The following STAG1 variants were observed in gnomAD, a reference collection of about 807,000 sequenced individuals.
The protein encoded by STAG1 is cohesin subunit SA-1.
STAG1 carries 26 observed loss-of-function variants against 170.9 expected under a neutral mutation model. The observed-to-expected ratio is 0.15, with a 90% CI of 0.11 to 0.21. STAG1 has a LOEUF of 0.21. Ranked by LOEUF, STAG1 falls within the 10% of genes least tolerant of loss-of-function variation. STAG1 has a pLI of 1.00. For synonymous variants in STAG1, 514 were observed against 497.7 expected (o/e 1.03, Z -0.44); for missense variants, 964 against 1,509.5 (o/e 0.64, Z 5.99).
chr3:136,614,086 C>T (rs1489384331), intron 3 of STAG1, among the ~76,000 whole-genome samples: 1 of 152,056 alleles, frequency 6.6e-6, no homozygotes, highest in Non-Finnish European at 1.5e-5. Flanking sequence ...CATGGTGGTA[C>T]GCGCCTGTAG....
intron 26 of STAG1, among the ~76,000 whole-genome samples, chr3:136,360,825 C>T (rs568383525): frequency 5.4e-4 from 82 of 152,214 alleles, no homozygotes; most frequent in African/African-American, 1.9e-3. Context: ...CCCGCCACCA[C>T]ACCCAGCTAA....
intron 1 of STAG1, among the ~76,000 whole-genome samples, chr3:136,648,512 T>G (rs2107853317): frequency 6.6e-6 from 1 of 152,350 alleles, no homozygotes; most frequent in East Asian, 1.9e-4. Context: ...GGTCAGGACA[T>G]CCCACAAATT....
chr3:136,488,906 C>A (rs767518748), intron 9 of STAG1, among the ~76,000 whole-genome samples: 1 of 152,172 alleles, frequency 6.6e-6, no homozygotes, highest in East Asian at 1.9e-4. Context: ...ATCTCTATTT[C>A]CAATAGCCTC....
At position 136,557,348 on chromosome 3, in the gene STAG1, G is replaced by A. The variant is rs1001878537; in HGVS notation, c.394+11417C>T. Among the ~76,000 whole-genome samples the A allele has an allele frequency of 2.0e-5, 3 of 152,148 alleles. No individual in the cohort carries two copies. In the South Asian group the frequency reaches 6.2e-4, roughly 32 times the overall value. The stretch of plus-strand genomic sequence containing the variant: ...AGGGTTACTTGATATATGCTAATGG[G>A]GTCATTGTACAATCAAGAAAAACTG... On this transcript the variant is annotated intron_variant, in intron 5 of 33. Coordinates refer to ENST00000383202, the MANE Select transcript of STAG1 (RefSeq NM_005862.3).
chr3:136,576,963 T>C (rs771338575), intron 4 of STAG1, among the ~76,000 whole-genome samples: 1 of 152,222 alleles, frequency 6.6e-6, no homozygotes, highest in Admixed American at 6.5e-5. Flanking sequence ...GGATTAAAGA[T>C]AGAGCTTAGC....
chr3:136,603,013 C>A (rs1226715178), intron 4 of STAG1, among the ~76,000 whole-genome samples: 1 of 152,066 alleles, frequency 6.6e-6, no homozygotes, highest in Non-Finnish European at 1.5e-5. Context: ...CCTTCCCTGC[C>A]CACACAAATT....
intron 4 of STAG1, among the ~76,000 whole-genome samples, chr3:136,594,375 C>T (rs1466535932): frequency 6.6e-6 from 1 of 152,154 alleles, no homozygotes; most frequent in African/African-American, 2.4e-5. Context: ...AGCTTACTAA[C>T]CCTAAGGGAC....
intron 4 of STAG1, among the ~76,000 whole-genome samples, chr3:136,584,542 A>C (rs1470448930): frequency 6.6e-6 from 1 of 152,106 alleles, no homozygotes; most frequent in African/African-American, 2.4e-5. Flanking sequence ...CCCTCCTTCC[A>C]TGCCCAGTCA....
At chr3:136,477,471 ACTC>A in intron 9 of STAG1, 59 bp from the exon 10 acceptor site, 1 of 1,431,114 alleles carries the variant, frequency 7.0e-7, no homozygotes, top group Non-Finnish European at 9.3e-7. Flanking sequence ...ATGCATTCAT[ACTC>A]GCTTTCCATA....
At chr3:136,540,372 A>G (rs899987320) in intron 6 of STAG1, among the ~76,000 whole-genome samples, 4 of 152,074 alleles carry the variant, frequency 2.6e-5, no homozygotes, top group African/African-American at 9.7e-5. Flanking sequence ...TCTTTGATGA[A>G]GCTGATCATC....
At chr3:136,575,483 C>T (rs1456821544) in intron 4 of STAG1, among the ~76,000 whole-genome samples, 1 of 152,142 alleles carries the variant, frequency 6.6e-6, no homozygotes, top group Non-Finnish European at 1.5e-5. Context: ...CCTTGGCCTA[C>T]CAAAGTGGCT....
chr3:136,663,092 TTAAAA>T (rs1166902393), intron 1 of STAG1, among the ~76,000 whole-genome samples: 1 of 151,642 alleles, frequency 6.6e-6, no homozygotes, highest in South Asian at 2.1e-4. Context: ...TTAAATTAAA[TTAAAA>T]TAAAATCAAG....
intron 4 of STAG1, among the ~76,000 whole-genome samples, chr3:136,582,301 G>A (rs1015637076): frequency 1.3e-5 from 2 of 152,186 alleles, no homozygotes; most frequent in African/African-American, 2.4e-5. Flanking sequence ...TAATAAACAC[G>A]GCTAGAAGAG....
chr3:136,436,949 C>T (rs545958095), intron 15 of STAG1, among the ~76,000 whole-genome samples: 1 of 152,252 alleles, frequency 6.6e-6, no homozygotes, highest in East Asian at 1.9e-4. Context: ...CATCTGTATC[C>T]GAATGATCCA....
intron 4 of STAG1, among the ~76,000 whole-genome samples, chr3:136,574,244 C>A (rs1208147905): frequency 9.7e-5 from 14 of 144,272 alleles, no homozygotes; most frequent in Non-Finnish European, 1.4e-4. Context: ...TCTGTCCCCC[C>A]AAAAAAAAAA....
intron 1 of STAG1, among the ~76,000 whole-genome samples, chr3:136,679,338 G>A (rs1942252829): frequency 6.6e-6 from 1 of 152,142 alleles, no homozygotes; most frequent in Non-Finnish European, 1.5e-5. Context: ...CCACCACTTT[G>A]GGAGGCCGAG....
At chr3:136,615,467 C>T (rs1939542901) in intron 3 of STAG1, among the ~76,000 whole-genome samples, 1 of 143,512 alleles carries the variant, frequency 7.0e-6, no homozygotes, top group Non-Finnish European at 1.5e-5. Flanking sequence ...GGGGGCACTG[C>T]CTGCTTTTTG....
intron 22 of STAG1, among the ~76,000 whole-genome samples, chr3:136,386,969 G>C (rs1327570967): frequency 1.3e-5 from 2 of 152,142 alleles, no homozygotes; most frequent in Non-Finnish European, 2.9e-5. Flanking sequence ...ACCTAGACCA[G>C]ATAAAAATTC....
chr3:136,733,014 A>G (rs974357088), intron 1 of STAG1, among the ~76,000 whole-genome samples: 1 of 151,860 alleles, frequency 6.6e-6, no homozygotes, highest in African/African-American at 2.4e-5. Context: ...TTAGATTACG[A>G]TATGTCTTTT....
Sources: gnomAD v4.1 joint callset for allele counts (sites outside exome capture counted in the v4.1 genomes callset) on GRCh38, gnomAD v4.1.1 for gene constraint, MANE v1.5 for transcripts, NCBI Gene and HGNC (gene_info 2026-07-23, HGNC 2026-07-21) for gene names.